Variants in DLGAP2 observed in about 807,000 individuals in gnomAD.
The protein encoded by DLGAP2 is DLG associated protein 2.
DLGAP2 carries 26 observed loss-of-function variants against 100.3 expected under a neutral mutation model. The ratio of observed to expected loss-of-function variants is 0.26; its 90% CI spans 0.19 to 0.36. The LOEUF (loss-of-function observed/expected upper bound fraction) is 0.36. Among genes scored for constraint, DLGAP2 ranks in the 10% least tolerant of loss-of-function variants. The probability of loss-of-function intolerance (pLI) is 1.00; values close to 1 mark genes in which losing one functional copy is unlikely to be tolerated. For synonymous variants in DLGAP2, 886 were observed against 630.1 expected (o/e 1.41, Z -6.08); for missense variants, 1,858 against 1,453.2 (o/e 1.28, Z -4.53).
intron 2 of DLGAP2, among the ~76,000 whole-genome samples, chr8:1,027,798 G>C (rs1210027783): frequency 7.7e-6 from 1 of 129,670 alleles, no homozygotes; most frequent in Non-Finnish European, 1.6e-5. Context: ...TCCAGGTCGG[G>C]TGTCAGGCGC....
At chr8:1,269,360 C>T (rs6988077) in intron 3 of DLGAP2, among the ~76,000 whole-genome samples, 2 of 152,108 alleles carry the variant, frequency 1.3e-5, no homozygotes, top group Non-Finnish European at 2.9e-5. Context: ...AAGACCGCCC[C>T]GTGTGGCACG....
At chr8:1,042,476 C>T (rs1041790817) in intron 2 of DLGAP2, among the ~76,000 whole-genome samples, 1 of 152,204 alleles carries the variant, frequency 6.6e-6, no homozygotes, top group Non-Finnish European at 1.5e-5. Flanking sequence ...AAGCCGTAGG[C>T]CTGCAGTCGT....
chr8:1,554,771 C>G (rs1349567928), intron 5 of DLGAP2, among the ~76,000 whole-genome samples: 1 of 149,974 alleles, frequency 6.7e-6, no homozygotes, highest in African/African-American at 2.5e-5. Flanking sequence ...CGCGCCCCAG[C>G]CCCCCCTCCC....
chr8:1,576,842 G>C (rs1236858773), intron 6 of DLGAP2, among the ~76,000 whole-genome samples: 1 of 152,124 alleles, frequency 6.6e-6, no homozygotes, highest in Admixed American at 6.6e-5. Context: ...TTTGGTACCA[G>C]TACAAGGTAA....
intron 2 of DLGAP2, among the ~76,000 whole-genome samples, chr8:973,813 C>T (rs770469256): frequency 1.3e-5 from 2 of 151,230 alleles, no homozygotes; most frequent in African/African-American, 2.4e-5. Context: ...GGCTCGGGCC[C>T]GTGGCCCCGC....
At chr8:1,686,455 G>A (rs761932817) in intron 12 of DLGAP2, among the ~76,000 whole-genome samples, 1 of 152,160 alleles carries the variant, frequency 6.6e-6, no homozygotes, top group Non-Finnish European at 1.5e-5. Flanking sequence ...ATCACCTGAG[G>A]TCAGGAGTTT....
At chr8:759,274 C>T (rs1245429031) in intron 1 of DLGAP2, among the ~76,000 whole-genome samples, 1 of 150,380 alleles carries the variant, frequency 6.6e-6, no homozygotes, top group East Asian at 2.0e-4. Flanking sequence ...CCCCCCACAG[C>T]CTCCCCATTA....
At chr8:1,290,394 G>C (rs532715138) in intron 3 of DLGAP2, among the ~76,000 whole-genome samples, 3 of 152,112 alleles carry the variant, frequency 2.0e-5, no homozygotes, top group Admixed American at 2.0e-4. Flanking sequence ...TTTGAACATC[G>C]GGCTGTCTGA....
At chr8:1,486,971 C>A (rs17063956) in intron 3 of DLGAP2, among the ~76,000 whole-genome samples, 6,535 of 152,154 alleles carry the variant, frequency 0.043, 450 homozygotes, top group African/African-American at 0.14. Flanking sequence ...AATATTGGGG[C>A]CCGCCAAGCT....
chr8:1,591,800 A>G (rs1233030777), intron 6 of DLGAP2, among the ~76,000 whole-genome samples: 3 of 152,146 alleles, frequency 2.0e-5, no homozygotes, highest in Non-Finnish European at 4.4e-5. Context: ...CAGCAGAGGG[A>G]AACCCTGCTG....
At chr8:1,377,015 C>T (rs1389004295) in intron 3 of DLGAP2, among the ~76,000 whole-genome samples, 4 of 152,238 alleles carry the variant, frequency 2.6e-5, no homozygotes, top group African/African-American at 9.6e-5. Context: ...TCAGCAGAAC[C>T]ACAGTGTCAG....
At chr8:1,427,412 A>G (rs1797265959) in intron 3 of DLGAP2, among the ~76,000 whole-genome samples, 1 of 152,238 alleles carries the variant, frequency 6.6e-6, no homozygotes, top group Non-Finnish European at 1.5e-5. Flanking sequence ...AAGAATAAAT[A>G]TGATGTGGCT....
At chr8:1,474,191 G>A (rs943867507) in intron 3 of DLGAP2, among the ~76,000 whole-genome samples, 3 of 152,074 alleles carry the variant, frequency 2.0e-5, no homozygotes, top group Admixed American at 2.0e-4. Context: ...CTCCATCCAG[G>A]TTGTTGAGAA....
intron 6 of DLGAP2, among the ~76,000 whole-genome samples, chr8:1,605,204 C>A (rs890784315): frequency 6.6e-6 from 1 of 152,144 alleles, no homozygotes; most frequent in Non-Finnish European, 1.5e-5. Flanking sequence ...TGAGGATGCA[C>A]AGAACCGAAT....
At chr8:1,499,502 A>G (rs902702464) in intron 3 of DLGAP2, among the ~76,000 whole-genome samples, 1 of 152,210 alleles carries the variant, frequency 6.6e-6, no homozygotes, top group Non-Finnish European at 1.5e-5. Context: ...AGAGCTGTCC[A>G]TCATATTTCT....
chr8:1,368,944 G>T (rs533387310), intron 3 of DLGAP2: 1 of 152,182 alleles, frequency 6.6e-6, no homozygotes, highest in Non-Finnish European at 1.5e-5. Context: ...GTCCGTTCCT[G>T]TGCCAAACGC....
intron 1 of DLGAP2, among the ~76,000 whole-genome samples, chr8:819,112 C>T (rs1162713381): frequency 6.6e-6 from 1 of 152,152 alleles, no homozygotes; most frequent in Non-Finnish European, 1.5e-5. Flanking sequence ...AAAGGGCTGA[C>T]CTTATTTAAG....
intron 1 of DLGAP2, among the ~76,000 whole-genome samples, chr8:885,750 C>T (rs1432903268): frequency 6.6e-6 from 1 of 152,128 alleles, no homozygotes; most frequent in African/African-American, 2.4e-5. Context: ...ATGATATTGG[C>T]TGTGGGTTTG....
At chr8:1,359,811 C>CAGA (rs1801938177) in intron 3 of DLGAP2, among the ~76,000 whole-genome samples, 1 of 152,240 alleles carries the variant, frequency 6.6e-6, no homozygotes, top group Non-Finnish European at 1.5e-5. Context: ...GCTTCATGGA[C>CAGA]TTCTCCTTAG....
Sources: allele counts gnomAD v4.1 joint callset (sites outside exome capture counted in the v4.1 genomes callset), GRCh38; gene constraint gnomAD v4.1.1; transcripts MANE v1.5; gene names NCBI Gene and HGNC (gene_info 2026-07-23, HGNC 2026-07-21).